The following SLC25A26 variants were observed in gnomAD, a reference collection of about 807,000 sequenced individuals.
SLC25A26 encodes mitochondrial S-adenosylmethionine carrier protein.
A neutral mutation model predicts 37.8 loss-of-function variants in SLC25A26; 36 were observed. That is an observed-to-expected ratio of 0.95 (90% CI 0.73 to 1.26). The LOEUF is 1.26. Among genes scored for constraint, SLC25A26 ranks in the 50% most tolerant of loss-of-function variants. The pLI, the probability that SLC25A26 is intolerant of heterozygous loss-of-function variation, is 0.00. For synonymous variants in SLC25A26, 129 were observed against 122.5 expected, an observed-to-expected ratio of 1.05 and a Z score of -0.35; for missense variants, 390 against 331.1, an observed-to-expected ratio of 1.18 and a Z score of -1.38.
At chr3:66,236,511 TTTTTC>T in intron 1 of SLC25A26, 28 bp from the exon 2 acceptor site, 1 of 1,425,052 alleles carries the variant, frequency 7.0e-7, no homozygotes, top group Admixed American at 2.5e-5. Flanking sequence ...TAACCTTTTT[TTTTTC>T]TTTTTCTTCC....
chr3:66,296,714 A>T (rs1024817231), intron 5 of SLC25A26, among the ~76,000 whole-genome samples: 1 of 152,262 alleles, frequency 6.6e-6, no homozygotes, highest in Non-Finnish European at 1.5e-5. Flanking sequence ...TAAAACTTTG[A>T]ACAGAAGCAT....
intron 1 of SLC25A26, among the ~76,000 whole-genome samples, chr3:66,200,180 C>A (rs1003891845): frequency 6.6e-6 from 1 of 152,144 alleles, no homozygotes; most frequent in African/African-American, 2.4e-5. Context: ...CTATGGCAGT[C>A]GATGAATTAG....
At chr3:66,207,391 C>T (rs1215707927) in intron 1 of SLC25A26, among the ~76,000 whole-genome samples, 1 of 152,118 alleles carries the variant, frequency 6.6e-6, no homozygotes, top group Non-Finnish European at 1.5e-5. Flanking sequence ...CCACATATAT[C>T]TTAATCTCCA....
intron 6 of SLC25A26, among the ~76,000 whole-genome samples, chr3:66,352,242 T>C (rs534949419): frequency 2.0e-5 from 3 of 152,064 alleles, no homozygotes; most frequent in Admixed American, 6.5e-5. Flanking sequence ...ACCATACTAT[T>C]CCTTGCTAAA....
intron 5 of SLC25A26, among the ~76,000 whole-genome samples, chr3:66,270,191 GTCT>G (rs886182289): frequency 6.6e-6 from 1 of 152,098 alleles, no homozygotes; most frequent in African/African-American, 2.4e-5. Flanking sequence ...TAAGATTTCA[GTCT>G]TCTTAAACCT....
chr3:66,318,453 G>A lies in SLC25A26; in HGVS notation c.454-27911G>A, dbSNP rs180832032. Among the ~76,000 whole-genome samples, 340 of 152,150 alleles carry A rather than the reference G, an allele frequency of 2.2e-3. 2 individuals are homozygous for A. The highest frequency in any genetic ancestry group is 0.015 in the South Asian group (72 of 4,818). On this transcript the variant is annotated intron_variant, in intron 5 of 9. Transcript: ENST00000354883. ...CCCCCTGCCGCCTTGTGAAGCTCCC[G>A]GGTGGGCCCTTGCTCCAGCCTGCCT...
In SLC25A26 at chr3:66,377,703, G is replaced by T; in HGVS notation, c.721G>T (p.Val241Phe). 6.2e-7 allele frequency: 1 copy of T among 1,613,562 alleles called. No homozygotes were observed. The highest frequency in any genetic ancestry group is 8.5e-7 in the Non-Finnish European group (1 of 1,179,586). The change falls in exon 10 of 10, where the codon GTC becomes TTC. Residue 241 changes from valine to phenylalanine, a missense_variant. Transcript: ENST00000354883. ...SQGLAGLFAG[V>F]FPRMAAISLG... Reference sequence around the variant, plus strand: ...TTTTTCCCCTAGATTATTTGCAGGTGTCTTCCCTCGAATGGCAGCCATCAG... The same window carrying T: ...TTTTTCCCCTAGATTATTTGCAGGTTTCTTCCCTCGAATGGCAGCCATCAG...
intron 1 of SLC25A26, among the ~76,000 whole-genome samples, chr3:66,197,858 G>C (rs1270758142): frequency 6.6e-6 from 1 of 152,050 alleles, no homozygotes; most frequent in African/African-American, 2.4e-5. Context: ...TAAAATTCAG[G>C]GAGAAAATCA....
upstream of SLC25A26, among the ~76,000 whole-genome samples, chr3:66,218,230 A>G (rs2071391238): frequency 6.6e-6 from 1 of 152,180 alleles, no homozygotes; most frequent in Admixed American, 6.5e-5. Context: ...ATATGTTTAT[A>G]CCACCAGTTG....
intron 5 of SLC25A26, among the ~76,000 whole-genome samples, chr3:66,322,111 T>A (rs1469579773): frequency 1.3e-5 from 2 of 152,116 alleles, no homozygotes; most frequent in African/African-American, 4.8e-5. Flanking sequence ...TCATAGCAAA[T>A]TTGCTTTAAA....
intron 5 of SLC25A26, chr3:66,324,149 C>T (rs1015681732): frequency 6.7e-6 from 1 of 148,800 alleles, no homozygotes; most frequent in Non-Finnish European, 1.5e-5. Flanking sequence ...AAAAGTGTGT[C>T]TTTAAGAAGA....
chr3:66,208,883 T>TATAC (rs1553655945), intron 1 of SLC25A26, among the ~76,000 whole-genome samples: 1 of 62,800 alleles, frequency 1.6e-5, no homozygotes, highest in Non-Finnish European at 4.5e-5. Flanking sequence ...TATATATATA[T>TATAC]ATACACCTTT....
chr3:66,188,586 T>C (rs1384130710), intron 1 of SLC25A26, among the ~76,000 whole-genome samples: 1 of 152,176 alleles, frequency 6.6e-6, no homozygotes, highest in Non-Finnish European at 1.5e-5. Context: ...CCTTCTTCTA[T>C]GAGTGGAGGC....
chr3:66,260,561 C>T (rs1163272400), intron 3 of SLC25A26, among the ~76,000 whole-genome samples: 2 of 152,170 alleles, frequency 1.3e-5, no homozygotes, highest in Non-Finnish European at 2.9e-5. Flanking sequence ...AGCATTGTTA[C>T]TTCTTAGCTT....
intron 6 of SLC25A26, among the ~76,000 whole-genome samples, chr3:66,348,456 T>G (rs2076377428): frequency 1.3e-5 from 2 of 152,162 alleles, no homozygotes; most frequent in African/African-American, 4.8e-5. Flanking sequence ...GCCCTTGTTC[T>G]AGTGAAAATG....
At chr3:66,327,929 G>T (rs951401052) in intron 5 of SLC25A26, among the ~76,000 whole-genome samples, 8 of 151,262 alleles carry the variant, frequency 5.3e-5, no homozygotes, top group African/African-American at 1.9e-4. Flanking sequence ...AAAATAATGC[G>T]CTGAAAGGAG....
intron 6 of SLC25A26, among the ~76,000 whole-genome samples, chr3:66,354,137 A>C (rs891095256): frequency 2.0e-5 from 3 of 152,142 alleles, no homozygotes; most frequent in Admixed American, 2.0e-4. Flanking sequence ...AGGATATGAT[A>C]AAATTTCCTG....
intron 1 of SLC25A26, among the ~76,000 whole-genome samples, chr3:66,203,083 T>G (rs1450164507): frequency 6.6e-6 from 1 of 152,146 alleles, no homozygotes; most frequent in Non-Finnish European, 1.5e-5. Context: ...GTAACTAACT[T>G]TTGAAACTTA....
At chr3:66,159,335 C>A (rs534170362) in intron 1 of SLC25A26, among the ~76,000 whole-genome samples, 3 of 152,340 alleles carry the variant, frequency 2.0e-5, no homozygotes, top group South Asian at 2.1e-4. Flanking sequence ...GTGATATACT[C>A]ATCCATGACC....
Sources: allele counts gnomAD v4.1 joint callset (sites outside exome capture counted in the v4.1 genomes callset), GRCh38; gene constraint gnomAD v4.1.1; transcripts MANE v1.5; gene names NCBI Gene and HGNC (gene_info 2026-07-23, HGNC 2026-07-21).